The following BNC2 variants were observed in gnomAD, a reference collection of about 807,000 sequenced individuals.
BNC2 encodes the protein basonuclin zinc finger protein 2.
In BNC2, 20 loss-of-function variants were observed where a neutral mutation model predicts 76.3. The observed-to-expected ratio is 0.26, with a 90% CI of 0.18 to 0.38. The LOEUF is 0.38. Ranked by LOEUF, BNC2 falls within the 10% of genes least tolerant of loss-of-function variation. The pLI is 1.00. For missense variants in BNC2, 1,382 were observed against 1,399.8 expected (o/e 0.99, Z 0.20); for synonymous variants, 582 against 514.8 (o/e 1.13, Z -1.77).
intron 3 of BNC2, among the ~76,000 whole-genome samples, chr9:16,658,025 A>G (rs2134014333): frequency 6.6e-6 from 1 of 152,354 alleles, no homozygotes; most frequent in South Asian, 2.1e-4. Context: ...GTTCAATAAT[A>G]GACCGGAATT....
chr9:16,440,836 T>A (rs773911701), intron 5 of BNC2, among the ~76,000 whole-genome samples: 2 of 152,252 alleles, frequency 1.3e-5, no homozygotes. Flanking sequence ...TCCAGGTAAG[T>A]ATGATTTAGA....
chr9:16,582,892 G>GACACACAC (rs149223772), intron 4 of BNC2, 91 bp downstream of exon 4: 13,590 of 626,118 alleles, frequency 0.022, 247 homozygotes, highest in African/African-American at 0.035. Flanking sequence ...CCTCTAAACA[G>GACACACAC]ACACACACAC....
intron 1 of BNC2, among the ~76,000 whole-genome samples, chr9:16,798,955 C>T (rs140495263): frequency 2.1e-4 from 32 of 152,282 alleles, no homozygotes; most frequent in African/African-American, 7.0e-4. Context: ...GCTAAATACA[C>T]CACTTTCTAT....
At chr9:16,550,915 C>T (rs1312531918) in intron 5 of BNC2, among the ~76,000 whole-genome samples, 2 of 152,110 alleles carry the variant, frequency 1.3e-5, no homozygotes, top group African/African-American at 4.8e-5. Context: ...AATAATCACG[C>T]TGTAGAAATG....
intron 3 of BNC2, chr9:16,685,421 G>C: frequency 2.1e-6 from 1 of 467,668 alleles, no homozygotes; most frequent in South Asian, 1.8e-5. Flanking sequence ...CGCTACACTG[G>C]TTCCTCTTTA....
chr9:16,711,145 G>A (rs1356962919), intron 3 of BNC2, among the ~76,000 whole-genome samples: 1 of 152,152 alleles, frequency 6.6e-6, no homozygotes, highest in Non-Finnish European at 1.5e-5. Flanking sequence ...CAGCTGTGTG[G>A]CAAGGGGAAG....
At chr9:16,809,092 T>C (rs1015975509) in intron 1 of BNC2, among the ~76,000 whole-genome samples, 1 of 152,148 alleles carries the variant, frequency 6.6e-6, no homozygotes, top group Non-Finnish European at 1.5e-5. Flanking sequence ...TTGTTTCATA[T>C]CAAATTCTAA....
chr9:16,721,535 G>A (rs1587351635), intron 3 of BNC2, among the ~76,000 whole-genome samples: 1 of 152,110 alleles, frequency 6.6e-6, no homozygotes, highest in African/African-American at 2.4e-5. Flanking sequence ...TCTGACCAAG[G>A]TCTGGAGAAG....
intron 3 of BNC2, among the ~76,000 whole-genome samples, chr9:16,712,193 A>G (rs1823870876): frequency 6.6e-6 from 1 of 152,228 alleles, no homozygotes; most frequent in Non-Finnish European, 1.5e-5. Flanking sequence ...CCCCCGCTTC[A>G]AGTAGCATGA....
chr9:16,610,881 G>T (rs1180012543), intron 3 of BNC2, among the ~76,000 whole-genome samples: 1 of 152,132 alleles, frequency 6.6e-6, no homozygotes, highest in Non-Finnish European at 1.5e-5. Context: ...ATAAAGCAAG[G>T]AGAAAGTAGC....
At chr9:16,763,932 C>T (rs1008755036) in intron 1 of BNC2, among the ~76,000 whole-genome samples, 1 of 152,272 alleles carries the variant, frequency 6.6e-6, no homozygotes, top group East Asian at 1.9e-4. Flanking sequence ...ACTAATCACT[C>T]CCTACCGGAA....
intron 5 of BNC2, among the ~76,000 whole-genome samples, chr9:16,545,031 A>G (rs1818436871): frequency 6.6e-6 from 1 of 152,208 alleles, no homozygotes; most frequent in Non-Finnish European, 1.5e-5. Flanking sequence ...AGTGAAACCA[A>G]GATTCACAAC....
rs534709770 is a variant in BNC2 at position 16,813,318 on chromosome 9, T to C, written c.3+57328A>G. ...TCTGGCTCTGTCGCCCAGGCTGGAG[T>C]GCAGTGGTGCGATCTCGGCTCACTG... On this transcript the variant is annotated intron_variant, in intron 1 of 6. Coordinates refer to ENST00000380672, the MANE Select transcript of BNC2 (RefSeq NM_017637.6). 6.0e-5 allele frequency among the ~76,000 whole-genome samples: 9 copies of C among 151,012 alleles called. No individual in the cohort carries two copies. In the South Asian group the frequency reaches 6.3e-4, roughly 11 times the overall value.
At chr9:16,743,753 G>A (rs1448624436) in intron 1 of BNC2, among the ~76,000 whole-genome samples, 1 of 152,200 alleles carries the variant, frequency 6.6e-6, no homozygotes, top group African/African-American at 2.4e-5. Context: ...AGGGTGTTGA[G>A]AGGAATACTG....
chr9:16,441,462 C>T (rs553468700), intron 5 of BNC2, among the ~76,000 whole-genome samples: 2 of 152,288 alleles, frequency 1.3e-5, no homozygotes, highest in African/African-American at 2.4e-5. Flanking sequence ...CTTTGACTAA[C>T]CTCGTTGAAG....
intron 3 of BNC2, among the ~76,000 whole-genome samples, chr9:16,610,842 C>T (rs1820524270): frequency 6.6e-6 from 1 of 152,126 alleles, no homozygotes; most frequent in Non-Finnish European, 1.5e-5. Flanking sequence ...TGCTCCCTGG[C>T]ACTTAAAAGA....
chr9:16,818,243 A>G (rs561606486), intron 1 of BNC2, among the ~76,000 whole-genome samples: 4 of 152,272 alleles, frequency 2.6e-5, no homozygotes, highest in African/African-American at 9.6e-5. Context: ...TCTCTACTAA[A>G]AATACAAAAA....
intron 3 of BNC2, among the ~76,000 whole-genome samples, chr9:16,707,480 CG>C (rs928360828): frequency 2.6e-5 from 4 of 152,002 alleles, no homozygotes; most frequent in African/African-American, 9.7e-5. Flanking sequence ...AAGGATGAAC[CG>C]GGGCCTATGA....
At chr9:16,496,983 A>C (rs1348197231) in intron 5 of BNC2, among the ~76,000 whole-genome samples, 1 of 152,250 alleles carries the variant, frequency 6.6e-6, no homozygotes, top group African/African-American at 2.4e-5. Flanking sequence ...ACATGGCATT[A>C]GATATGCACG....
Sources: gnomAD v4.1 joint callset for allele counts (sites outside exome capture counted in the v4.1 genomes callset) on GRCh38, gnomAD v4.1.1 for gene constraint, MANE v1.5 for transcripts, NCBI Gene and HGNC (gene_info 2026-07-23, HGNC 2026-07-21) for gene names.